ZNF496: variants seen among roughly 807,000 people sequenced by gnomAD.
ZNF496 encodes the protein NSD1 (nuclear receptor binding SET-domain containing 1)-interacting zinc finger protein 1.
ZNF496 carries 11 observed loss-of-function variants against 58.9 expected under a neutral mutation model. That is an observed-to-expected ratio of 0.19 (90% CI 0.12 to 0.31). The LOEUF is 0.31. ZNF496 is among the 10% of genes least tolerant of loss of function. The pLI is 1.00. For missense variants in ZNF496, 660 were observed against 783.0 expected, an observed-to-expected ratio of 0.84 and a Z score of 1.88; for synonymous variants, 338 against 318.2, an observed-to-expected ratio of 1.06 and a Z score of -0.66.
intron 6 of ZNF496, chr1:247,312,884 C>T (rs1393914090): frequency 4.6e-5 from 7 of 152,186 alleles, no homozygotes; most frequent in African/African-American, 1.7e-4. Context: ...GAGTAGCACC[C>T]AAAATGTTCG....
intron 5 of ZNF496, among the ~76,000 whole-genome samples, chr1:247,326,458 C>A (rs1331281220): frequency 6.6e-6 from 1 of 152,148 alleles, no homozygotes; most frequent in Non-Finnish European, 1.5e-5. Context: ...GCTGGCTTAT[C>A]TCAGAACTTT....
In ZNF496 at chr1:247,302,497, A is replaced by AT. The variant is rs1389453095; in HGVS notation, c.1007-1222dup. Among the ~76,000 whole-genome samples the AT allele has an allele frequency of 2.4e-4, 37 of 151,346 alleles. 1 individual carries two copies. The highest frequency in any genetic ancestry group is 8.5e-4 in the African/African-American group (35 of 41,166). On this transcript the variant is annotated intron_variant, in intron 9 of 9. Transcript: ENST00000682384. The stretch of plus-strand genomic sequence containing the variant: ...GTTTGTGTGTGTGCATGTGTTTTTA[A>AT]TTTTTTGTACAGATGGGGTCACATT...
intron 9 of ZNF496, chr1:247,307,829 A>G: frequency 6.1e-6 from 6 of 985,402 alleles, no homozygotes; most frequent in Non-Finnish European, 7.2e-6. Flanking sequence ...TTGAGAAGAG[A>G]AAGATGGCAG....
chr1:247,328,333 G>A (rs146350214), intron 5 of ZNF496, among the ~76,000 whole-genome samples: 20 of 152,244 alleles, frequency 1.3e-4, no homozygotes, highest in African/African-American at 4.8e-4. Flanking sequence ...CTCCAGTCAT[G>A]CAGCAGGCCC....
chr1:247,331,111 C>A lies in ZNF496; in HGVS notation c.-154+321G>T, dbSNP rs531277968. On this transcript the variant is annotated intron_variant, in intron 2 of 9. Transcript: ENST00000682384. ...AGCGCCCAGGACTACTCAGGCCCGC[C>A]CCCCCGAGCACCGGCGCCCACCCGG... 2.0e-5 allele frequency among the ~76,000 whole-genome samples: 3 copies of A among 152,194 alleles called. No individual in the cohort carries two copies. The South Asian group carries it at 6.2e-4, about 32-fold the overall frequency.
rs780682417 is a variant in ZNF496 at position 247,309,758 on chromosome 1, G to T, written c.833C>A (p.Pro278Gln). ...PDLSQGEENE[P>Q]RVPELQDLQG... is the part of the protein sequence containing the mutation. ...GAGATCCTGCAACTCTGGAACGCGT[G>T]GCTCATTCTCCTCTCCCTGGGAGAG... Residue 278 changes from proline to glutamine, a missense_variant, in exon 8 of 10, where the codon CCA (proline) becomes CAA (glutamine). Transcript: ENST00000682384. This position sits in a 1 kb window ranked among gnomAD's most constrained non-coding sequence, Gnocchi z 4.3. The T allele has an allele frequency of 6.2e-7, 1 of 1,614,182 alleles. No homozygotes were observed. Among genetic ancestry groups the T allele is most frequent in the South Asian group, 1.1e-5 (1 of 91,076 alleles).
intron 5 of ZNF496, among the ~76,000 whole-genome samples, chr1:247,325,848 T>C (rs1226032940): frequency 6.6e-6 from 1 of 152,028 alleles, no homozygotes; most frequent in Non-Finnish European, 1.5e-5. Flanking sequence ...CTGGGATATG[T>C]AGCTATCCCA....
rs1023488335 is a variant in ZNF496 at position 247,301,180 on chromosome 1, C to A, written c.1103G>T (p.Gly368Val). The A allele has an allele frequency of 1.8e-5, 28 of 1,595,262 alleles. No individual in the cohort carries two copies. The highest frequency in any genetic ancestry group is 2.4e-5 in the Non-Finnish European group (28 of 1,168,976). Residue 368 changes from glycine (G) to valine (V), a missense_variant, in exon 10 of 10, where the codon GGC (glycine) becomes GTC (valine). By Grantham distance (109) the Gly-to-Val change is moderately radical. Coordinates refer to ENST00000682384, the MANE Select transcript of ZNF496 (RefSeq NM_032752.3). ...CCCCAGCTCTTCTGTGCAGTACGGG[C>A]CATGCTGGGAGTCCTCGTCCCCAGA... is the stretch of plus-strand genomic sequence containing the variant. ...SSSGDEDSQH[G>V]PYCTEELGSP...
chr1:247,306,976 G>C, intron 9 of ZNF496: 2 of 494,982 alleles, frequency 4.0e-6, no homozygotes, highest in Non-Finnish European at 5.2e-6. Context: ...CTGAATCCTG[G>C]TGCAATGTTT....
chr1:247,323,528 T>C (rs1660025855), intron 5 of ZNF496, among the ~76,000 whole-genome samples: 1 of 152,184 alleles, frequency 6.6e-6, no homozygotes, highest in East Asian at 1.9e-4. Context: ...CCTGGGTTCA[T>C]GATAGCACGG....
intron 7 of ZNF496, chr1:247,310,036 A>G (rs1659542788): frequency 1.4e-6 from 2 of 1,428,504 alleles, no homozygotes. Flanking sequence ...AGCAGACATA[A>G]AGGGACAAAA....
chr1:247,330,365 T>C (rs1227995805), intron 2 of ZNF496, among the ~76,000 whole-genome samples: 2 of 152,212 alleles, frequency 1.3e-5, no homozygotes, highest in Non-Finnish European at 2.9e-5. Flanking sequence ...GCCTCCACCC[T>C]ATTCTCTATC....
At position 247,329,738 on chromosome 1, in the gene ZNF496, G is replaced by T; in HGVS notation, c.-37-123C>A. The T allele has an allele frequency of 1.1e-6, 1 of 885,646 alleles. No individual in the cohort carries two copies. Among genetic ancestry groups the T allele is most frequent in the Non-Finnish European group, 1.7e-6 (1 of 601,918 alleles). The allele number at this position is 885,646 out of a possible 1,614,324, so 54.9% of individuals were successfully genotyped here. ...AGCCCTTTGGAGAAGCCCTGGGAAAGGTAGGGAGTGTTGGTGTGGCTGGTC... is the reference window on the plus strand; with the variant it reads ...AGCCCTTTGGAGAAGCCCTGGGAAATGTAGGGAGTGTTGGTGTGGCTGGTC... On this transcript the variant is annotated intron_variant, in intron 3 of 9. Coordinates refer to ENST00000682384, the MANE Select transcript of ZNF496 (RefSeq NM_032752.3). The surrounding 1 kb of genome is among the most constrained non-coding windows in gnomAD (Gnocchi z 5.5).
In ZNF496 at chr1:247,309,498, C is replaced by A; in HGVS notation, c.892+201G>T. On this transcript the variant is annotated intron_variant, in intron 8 of 9. Coordinates refer to ENST00000682384, the MANE Select transcript of ZNF496 (RefSeq NM_032752.3). This position sits in a 1 kb window ranked among gnomAD's most constrained non-coding sequence, Gnocchi z 4.3. The stretch of plus-strand genomic sequence containing the variant: ...GTCCTTGGCCAAGGGAGTACAATTC[C>A]AATGCCTGGCAAAATTAAGATCCTC... The A allele has an allele frequency of 7.1e-7, 1 of 1,411,714 alleles. No homozygotes were observed. The highest frequency in any genetic ancestry group is 2.9e-5 in the Admixed American group (1 of 34,074). 87.4% of individuals were successfully genotyped at this position (1,411,714 alleles called of 1,614,324 possible). A position where few individuals can be genotyped will look rare whatever the true frequency, so the allele number is the denominator to read the frequency against.
chr1:247,302,943 G>C (rs1405786269), intron 9 of ZNF496, among the ~76,000 whole-genome samples: 1 of 152,166 alleles, frequency 6.6e-6, no homozygotes, highest in African/African-American at 2.4e-5. Flanking sequence ...AAGTGACAAG[G>C]TGGACCGCTA....
In ZNF496 at chr1:247,297,968, T is replaced by C. The variant is rs1048426826; in HGVS notation, c.*2551A>G. 1 of 152,200 alleles carries C rather than the reference T, an allele frequency of 6.6e-6. No homozygotes were observed. Among genetic ancestry groups the C allele is most frequent in the African/African-American group, 2.4e-5 (1 of 41,440 alleles). The allele number at this position is 152,200 out of a possible 1,614,324, so 9.4% of individuals were successfully genotyped here. On this transcript the variant is annotated 3_prime_UTR_variant, in exon 10 of 10. Coordinates refer to ENST00000682384, the MANE Select transcript of ZNF496 (RefSeq NM_032752.3). ...TCTGGTAAGTAGAACAGTGTTCTTCTCTTGAGTCAGACGTCTGAAGCAGGA... is the reference window on the plus strand; with the variant it reads ...TCTGGTAAGTAGAACAGTGTTCTTCCCTTGAGTCAGACGTCTGAAGCAGGA...
At position 247,298,637 on chromosome 1, in the gene ZNF496, T is replaced by G. The variant is rs928315352; in HGVS notation, c.*1882A>C. Reference sequence around the variant, plus strand: ...GCCCAGAGTTTTCCTGATGTGAAAATTACGTGAGTGACAAGGAGCACCAGG... The same window carrying G: ...GCCCAGAGTTTTCCTGATGTGAAAAGTACGTGAGTGACAAGGAGCACCAGG... On this transcript the variant is annotated 3_prime_UTR_variant, in exon 10 of 10. Transcript: ENST00000682384. 1.3e-5 allele frequency: 2 copies of G among 152,222 alleles called. No homozygotes were observed. The highest frequency in any genetic ancestry group is 2.9e-5 in the Non-Finnish European group (2 of 68,082). The allele number at this position is 152,222 out of a possible 1,614,324, so 9.4% of individuals were successfully genotyped here.
At chr1:247,321,860 G>A (rs150224217) in intron 6 of ZNF496, among the ~76,000 whole-genome samples, 367 of 152,378 alleles carry the variant, frequency 2.4e-3, no homozygotes, top group Middle Eastern at 0.017. Flanking sequence ...TGACATGTAT[G>A]TGTTGAGCAT....
intron 9 of ZNF496, among the ~76,000 whole-genome samples, chr1:247,306,858 T>C (rs1288060047): frequency 6.6e-6 from 1 of 152,158 alleles, no homozygotes; most frequent in Non-Finnish European, 1.5e-5. Flanking sequence ...TCTGGGCAAG[T>C]GACTTCAGCT....
Sources: gnomAD v4.1 joint callset for allele counts (sites outside exome capture counted in the v4.1 genomes callset) on GRCh38, gnomAD v4.1.1 for gene constraint, Gnocchi (gnomAD v3.1) non-coding constraint, MANE v1.5 for transcripts, NCBI Gene and HGNC (gene_info 2026-07-23, HGNC 2026-07-21) for gene names.